LRMDA: variants seen among roughly 807,000 people sequenced by gnomAD.
LRMDA encodes leucine rich melanocyte differentiation associated, also known as leucine-rich melanocyte differentiation-associated protein.
In LRMDA, 18 loss-of-function variants were observed where a neutral mutation model predicts 29.8. That is an observed-to-expected ratio of 0.60 (90% CI 0.42 to 0.90). The LOEUF (loss-of-function observed/expected upper bound fraction) is 0.90, where lower values mean the gene tolerates loss of function less well. LRMDA is among the 40% of genes least tolerant of loss of function. LRMDA has a pLI of 0.00. For missense variants in LRMDA, 273 were observed against 273.9 expected (o/e 1.00, Z 0.02); for synonymous variants, 125 against 109.4 (o/e 1.14, Z -0.89).
Position 76,363,176 on chromosome 10 carries a change from A to AGAAAGAAGGAGGGAG in LRMDA, c.601+38692_601+38693insAAAGAAGGAGGGAGG, listed in dbSNP as rs1459442138. On this transcript the variant is annotated intron_variant, in intron 6 of 6. Transcript: ENST00000611255. ...AAGAAAGAAAGAAAGAAAGAAAGAAAGGAGGGAGGGAGGGAGGGAGGGAGG... is the reference window on the plus strand; with the variant it reads ...AAGAAAGAAAGAAAGAAAGAAAGAAAGAAAGAAGGAGGGAGGGAGGGAGGGAGGGAGGGAGGGAGG... 6.9e-4 allele frequency among the ~76,000 whole-genome samples: 15 copies of AGAAAGAAGGAGGGAG among 21,792 alleles called. 1 individual carries two copies. The highest frequency in any genetic ancestry group is 1.2e-3 in the Non-Finnish European group (10 of 8,592). The allele number at this position is 21,792 out of a possible 152,430, so 14.3% of individuals were successfully genotyped here. A position where few individuals can be genotyped will look rare whatever the true frequency, so the allele number is the denominator to read the frequency against.
rs1416669709 is a variant in LRMDA, at chr10:76,340,679, A to T, written c.601+16194A>T. The stretch of plus-strand genomic sequence containing the variant: ...ATAGCAACCTGCATATGAAAGAGGG[A>T]TTTAAAAAATTTCCATCAAAGTCTC... On this transcript the variant is annotated intron_variant, in intron 6 of 6. Transcript: ENST00000611255. 2.6e-5 allele frequency among the ~76,000 whole-genome samples: 4 copies of T among 152,020 alleles called. No homozygotes were observed. The East Asian group carries it at 7.8e-4, about 29-fold the overall frequency.
chr10:76,496,124 A>C (rs76781358), intron 6 of LRMDA, among the ~76,000 whole-genome samples: 4,155 of 75,132 alleles, frequency 0.055, 1,309 homozygotes, highest in African/African-American at 0.13. Flanking sequence ...TACCCAGTGC[A>C]CCATGGTTTA....
intron 2 of LRMDA, among the ~76,000 whole-genome samples, chr10:75,763,763 T>G (rs1028444069): frequency 2.0e-5 from 3 of 151,170 alleles, no homozygotes; most frequent in Non-Finnish European, 4.4e-5. Context: ...TAAACCTGGT[T>G]GGGAGGTAGT....
chr10:75,618,404 A>C (rs1841135893), intron 2 of LRMDA, among the ~76,000 whole-genome samples: 1 of 144,526 alleles, frequency 6.9e-6, no homozygotes, highest in Admixed American at 7.0e-5. Flanking sequence ...ATATATATAT[A>C]TATCAGACTA....
intron 2 of LRMDA, among the ~76,000 whole-genome samples, chr10:75,733,821 G>A (rs1427859146): frequency 1.3e-5 from 2 of 152,146 alleles, no homozygotes; most frequent in African/African-American, 4.8e-5. Context: ...TAAAGATGTT[G>A]GGGATAATGA....
chr10:75,682,290 T>A (rs1842032186), intron 2 of LRMDA, among the ~76,000 whole-genome samples: 1 of 152,188 alleles, frequency 6.6e-6, no homozygotes, highest in Non-Finnish European at 1.5e-5. Context: ...CAGTATGTGC[T>A]GAATAAATGA....
intron 6 of LRMDA, among the ~76,000 whole-genome samples, chr10:76,374,618 A>G (rs915601535): frequency 1.3e-5 from 2 of 152,194 alleles, no homozygotes; most frequent in Non-Finnish European, 2.9e-5. Flanking sequence ...TCTTGAGTAT[A>G]CGACACAAAT....
At chr10:75,727,770 T>C (rs1168466552) in intron 2 of LRMDA, among the ~76,000 whole-genome samples, 1 of 152,234 alleles carries the variant, frequency 6.6e-6, no homozygotes, top group Admixed American at 6.5e-5. Flanking sequence ...CTAGTGATGA[T>C]TTGAAGCTTT....
At chr10:76,517,939 C>CTTAT (rs763276005) in intron 6 of LRMDA, among the ~76,000 whole-genome samples, 5 of 144,254 alleles carry the variant, frequency 3.5e-5, no homozygotes, top group African/African-American at 1.3e-4. Flanking sequence ...TATATATAAA[C>CTTAT]ATATATATAT....
chr10:76,060,450 G>T (rs1027864061), intron 5 of LRMDA, among the ~76,000 whole-genome samples: 1 of 152,192 alleles, frequency 6.6e-6, no homozygotes, highest in Non-Finnish European at 1.5e-5. Flanking sequence ...TAGAAGGAAG[G>T]GGTCACTGGC....
intron 2 of LRMDA, among the ~76,000 whole-genome samples, chr10:75,640,780 T>TA (rs1231032848): frequency 8.5e-4 from 130 of 152,070 alleles, no homozygotes; most frequent in Non-Finnish European, 1.4e-3. Flanking sequence ...AGCTTTTTTT[T>TA]AAACAAAACA....
intron 2 of LRMDA, among the ~76,000 whole-genome samples, chr10:75,736,846 C>T (rs1250703845): frequency 6.6e-6 from 1 of 152,060 alleles, no homozygotes; most frequent in South Asian, 2.1e-4. Flanking sequence ...TGAAGAAAAA[C>T]TACAAACAGG....
chr10:75,713,632 G>A (rs1842464054), intron 2 of LRMDA, among the ~76,000 whole-genome samples: 1 of 152,200 alleles, frequency 6.6e-6, no homozygotes, highest in Admixed American at 6.5e-5. Flanking sequence ...CTTAAGTGTG[G>A]TGGTTTCAAA....
At chr10:76,453,388 A>G (rs1842426094) in intron 6 of LRMDA, among the ~76,000 whole-genome samples, 1 of 152,222 alleles carries the variant, frequency 6.6e-6, no homozygotes, top group South Asian at 2.1e-4. Flanking sequence ...AATAGGAGCC[A>G]AGCCCTTCAC....
intron 2 of LRMDA, among the ~76,000 whole-genome samples, chr10:75,765,501 A>G (rs746811468): frequency 1.2e-4 from 18 of 152,088 alleles, no homozygotes; most frequent in Non-Finnish European, 2.2e-4. Context: ...GTTTGTGACT[A>G]TTTACTTCAC....
At chr10:76,106,281 T>C (rs771409622) in intron 5 of LRMDA, among the ~76,000 whole-genome samples, 3 of 152,202 alleles carry the variant, frequency 2.0e-5, no homozygotes, top group Non-Finnish European at 4.4e-5. Flanking sequence ...TATGGTATGG[T>C]CCATTTTTGC....
At chr10:75,615,376 A>G (rs1841085864) in intron 2 of LRMDA, among the ~76,000 whole-genome samples, 2 of 152,186 alleles carry the variant, frequency 1.3e-5, no homozygotes, top group African/African-American at 4.8e-5. Context: ...CATTATACTT[A>G]CCAGTTGAGC....
chr10:75,978,120 T>C (rs1847106185), intron 2 of LRMDA, among the ~76,000 whole-genome samples: 1 of 152,218 alleles, frequency 6.6e-6, no homozygotes, highest in Non-Finnish European at 1.5e-5. Context: ...TGGAGGGCAC[T>C]GGAGCAAGGG....
intron 5 of LRMDA, among the ~76,000 whole-genome samples, chr10:76,187,037 A>G (rs1851162292): frequency 1.3e-5 from 2 of 152,164 alleles, no homozygotes; most frequent in South Asian, 4.1e-4. Context: ...AAGACTTGAC[A>G]TTCTTCACTA....
Sources: gnomAD v4.1 joint callset for allele counts (sites outside exome capture counted in the v4.1 genomes callset) on GRCh38, gnomAD v4.1.1 for gene constraint, MANE v1.5 for transcripts, NCBI Gene and HGNC (gene_info 2026-07-23, HGNC 2026-07-21) for gene names.